PDE4B: variants seen among roughly 807,000 people sequenced by gnomAD.
The protein encoded by PDE4B is 3',5'-cyclic-AMP phosphodiesterase 4B.
In PDE4B, 20 loss-of-function variants were observed where a neutral mutation model predicts 82.2. The observed-to-expected ratio is 0.24, with a 90% CI of 0.17 to 0.35. The LOEUF (loss-of-function observed/expected upper bound fraction) is 0.35. Ranked by LOEUF, PDE4B falls within the 10% of genes least tolerant of loss-of-function variation. The pLI is 1.00. For synonymous variants in PDE4B, 320 were observed against 318.9 expected (o/e 1.00, Z -0.04); for missense variants, 655 against 907.2 (o/e 0.72, Z 3.57).
In PDE4B at chr1:66,092,527, C is replaced by A. The variant is rs1040494290; in HGVS notation, c.282-154933C>A. Among the ~76,000 whole-genome samples the A allele has an allele frequency of 2.0e-5, 3 of 152,150 alleles. No individual in the cohort carries two copies. The South Asian group carries it at 6.2e-4, about 32-fold the overall frequency. On this transcript the variant is annotated intron_variant, in intron 3 of 16. Transcript: ENST00000341517. ...CTGAGAACAAAATTAAATATGATTA[C>A]AGCCTCAAGAAGCTTGAAAATTCAA...
At chr1:66,240,811 A>C (rs1018619277) in intron 3 of PDE4B, among the ~76,000 whole-genome samples, 8 of 141,350 alleles carry the variant, frequency 5.7e-5, no homozygotes, top group African/African-American at 2.2e-4. Context: ...AATGTCTGCA[A>C]GTTGTCTAAT....
intron 7 of PDE4B, among the ~76,000 whole-genome samples, chr1:66,282,166 T>C (rs534651037): frequency 6.9e-4 from 105 of 151,314 alleles, no homozygotes; most frequent in South Asian, 8.4e-4. Context: ...ATTTAATCTG[T>C]TTTTTTTTCC....
chr1:65,944,317 A>C (rs915945723), intron 3 of PDE4B, among the ~76,000 whole-genome samples: 1 of 151,632 alleles, frequency 6.6e-6, no homozygotes, highest in Non-Finnish European at 1.5e-5. Flanking sequence ...ATCCAACTTG[A>C]TTATGGTGAA....
At chr1:66,235,472 T>C (rs569040217) in intron 3 of PDE4B, among the ~76,000 whole-genome samples, 2 of 152,248 alleles carry the variant, frequency 1.3e-5, no homozygotes, top group South Asian at 2.1e-4. Context: ...GGTAATATTC[T>C]TAACTCTGGA....
chr1:66,228,368 A>G (rs572658552), intron 3 of PDE4B, among the ~76,000 whole-genome samples: 6 of 152,202 alleles, frequency 3.9e-5, no homozygotes, highest in Admixed American at 2.6e-4. Context: ...GCAATATAAG[A>G]AATCATGCAA....
Position 66,367,996 on chromosome 1 carries a change from A to G in PDE4B, c.1593A>G (p.Thr531=). 2 of 1,613,904 alleles carry G rather than the reference A, an allele frequency of 1.2e-6. No homozygotes were observed. The highest frequency in any genetic ancestry group is 1.7e-6 in the Non-Finnish European group (2 of 1,179,838). The change falls in exon 15 of 17, where the codon ACA becomes ACG. Residue 531 remains threonine, a synonymous_variant. Transcript: ENST00000341517. ...TGAGCCTGCTGGCAGACCTGAAGAC[A>G]ATGGTAGAAACGAAGAAAGTTACAA... ...KHMSLLADLK[T]MVETKKVTSS...
intron 3 of PDE4B, among the ~76,000 whole-genome samples, chr1:65,937,154 T>A (rs973198466): frequency 4.6e-5 from 7 of 152,198 alleles, no homozygotes; most frequent in Non-Finnish European, 7.3e-5. Context: ...CTGAGGGCTG[T>A]GCTTTGCTTC....
intron 4 of PDE4B, among the ~76,000 whole-genome samples, chr1:66,252,240 T>A (rs1251092995): frequency 2.6e-5 from 4 of 152,214 alleles, no homozygotes; most frequent in African/African-American, 9.7e-5. Flanking sequence ...TACATGAAAG[T>A]GCTTTGTAAA....
At chr1:65,896,460 A>T (rs1391025024) in intron 1 of PDE4B, among the ~76,000 whole-genome samples, 1 of 152,180 alleles carries the variant, frequency 6.6e-6, no homozygotes. Context: ...TTGGGTGAGG[A>T]CATGGCCAAA....
At chr1:66,245,490 G>C (rs1653237480) in intron 3 of PDE4B, among the ~76,000 whole-genome samples, 1 of 152,130 alleles carries the variant, frequency 6.6e-6, no homozygotes, top group African/African-American at 2.4e-5. Context: ...TCCACAGAGG[G>C]GCTTTTTATT....
chr1:66,198,986 A>G (rs1215068739), intron 3 of PDE4B, among the ~76,000 whole-genome samples: 1 of 151,986 alleles, frequency 6.6e-6, no homozygotes, highest in Non-Finnish European at 1.5e-5. Flanking sequence ...TATATGTGCC[A>G]CATTTTCTTA....
chr1:66,081,346 C>G (rs368762713), intron 3 of PDE4B, among the ~76,000 whole-genome samples: 24 of 152,068 alleles, frequency 1.6e-4, no homozygotes, highest in African/African-American at 5.6e-4. Context: ...GTCCCACCAG[C>G]CTTTGTCTGA....
intron 3 of PDE4B, among the ~76,000 whole-genome samples, chr1:66,111,510 CAT>C (rs1364665478): frequency 1.2e-4 from 18 of 152,200 alleles, no homozygotes; most frequent in Non-Finnish European, 4.4e-5. Context: ...TAAGTAGACT[CAT>C]AGAATATTGT....
intron 3 of PDE4B, among the ~76,000 whole-genome samples, chr1:66,188,825 T>C (rs866979139): frequency 2.0e-5 from 3 of 152,164 alleles, no homozygotes; most frequent in African/African-American, 7.2e-5. Flanking sequence ...GAGCATTTAG[T>C]CCATTTACAT....
chr1:66,137,095 G>T (rs554114340), intron 3 of PDE4B, among the ~76,000 whole-genome samples: 1 of 152,192 alleles, frequency 6.6e-6, no homozygotes, highest in Non-Finnish European at 1.5e-5. Flanking sequence ...AGATACAGGA[G>T]ATGTGGGGTC....
intron 3 of PDE4B, among the ~76,000 whole-genome samples, chr1:66,208,938 T>A (rs1453501340): frequency 6.6e-6 from 1 of 152,184 alleles, no homozygotes; most frequent in East Asian, 1.9e-4. Flanking sequence ...ATGCCCAAAT[T>A]TCTTAATGAC....
At chr1:65,981,194 C>T (rs769407988) in intron 3 of PDE4B, among the ~76,000 whole-genome samples, 9 of 152,164 alleles carry the variant, frequency 5.9e-5, no homozygotes, top group South Asian at 2.1e-4. Context: ...ACATAAGAAA[C>T]GTTTCTAGAT....
chr1:65,955,451 C>CATATA (rs1362094781), intron 3 of PDE4B, among the ~76,000 whole-genome samples: 2 of 152,064 alleles, frequency 1.3e-5, no homozygotes, highest in Non-Finnish European at 1.5e-5. Flanking sequence ...ACAACAAAAG[C>CATATA]ATAGAAATAG....
At chr1:66,371,034 C>A (rs2050739266) in intron 16 of PDE4B, among the ~76,000 whole-genome samples, 1 of 133,790 alleles carries the variant, frequency 7.5e-6, no homozygotes, top group Non-Finnish European at 1.6e-5. Context: ...ATATATATAT[C>A]ATACATATAT....
Sources: gnomAD v4.1 joint callset for allele counts (sites outside exome capture counted in the v4.1 genomes callset) on GRCh38, gnomAD v4.1.1 for gene constraint, MANE v1.5 for transcripts, NCBI Gene and HGNC (gene_info 2026-07-23, HGNC 2026-07-21) for gene names.